The following ASTN2 variants were observed in gnomAD, a reference collection of about 807,000 sequenced individuals.
ASTN2 encodes the protein astrotactin-2.
Under a neutral mutation model 139.8 loss-of-function variants are expected in ASTN2, and 54 were observed. That is an observed-to-expected ratio of 0.39 (90% CI 0.31 to 0.48). ASTN2 has a LOEUF of 0.48. Ranked by LOEUF, ASTN2 falls within the 20% of genes least tolerant of loss-of-function variation. ASTN2 has a pLI of 0.95. For missense variants in ASTN2, 1,565 were observed against 1,725.1 expected, an observed-to-expected ratio of 0.91 and a Z score of 1.64; for synonymous variants, 756 against 719.5, an observed-to-expected ratio of 1.05 and a Z score of -0.81.
chr9:116,638,975 G>C (rs770639137), intron 17 of ASTN2, among the ~76,000 whole-genome samples: 1 of 152,236 alleles, frequency 6.6e-6, no homozygotes, highest in Non-Finnish European at 1.5e-5. Context: ...ATTATCTCAT[G>C]TTTGAGATGT....
chr9:116,798,978 T>C (rs1830771537), intron 13 of ASTN2, among the ~76,000 whole-genome samples: 1 of 150,546 alleles, frequency 6.6e-6, no homozygotes. Context: ...GCCAAGTTGT[T>C]AATGGCTCCT....
At chr9:116,755,713 T>C (rs1829514824) in intron 13 of ASTN2, among the ~76,000 whole-genome samples, 1 of 152,238 alleles carries the variant, frequency 6.6e-6, no homozygotes, top group African/African-American at 2.4e-5. Context: ...AGTCTAACTT[T>C]CCATCTGCAT....
intron 16 of ASTN2, among the ~76,000 whole-genome samples, chr9:116,704,264 G>T (rs1827931572): frequency 6.6e-6 from 1 of 152,156 alleles, no homozygotes; most frequent in African/African-American, 2.4e-5. Flanking sequence ...CAATGGAATT[G>T]TTGAGTTCCC....
At chr9:116,927,977 A>G (rs1053980549) in intron 10 of ASTN2, among the ~76,000 whole-genome samples, 4 of 152,136 alleles carry the variant, frequency 2.6e-5, no homozygotes, top group East Asian at 1.9e-4. Context: ...TTTCATGTGT[A>G]TGCAACAACC....
At chr9:116,754,845 C>A (rs1423729102) in intron 13 of ASTN2, among the ~76,000 whole-genome samples, 2 of 152,324 alleles carry the variant, frequency 1.3e-5, no homozygotes, top group Middle Eastern at 3.4e-3. Context: ...CAAGTGTGAA[C>A]TTTGACACAA....
At chr9:116,879,196 T>C (rs1338725283) in intron 10 of ASTN2, among the ~76,000 whole-genome samples, 2 of 152,070 alleles carry the variant, frequency 1.3e-5, no homozygotes, top group African/African-American at 4.8e-5. Flanking sequence ...AGATTCTACA[T>C]TTCTACAATG....
chr9:116,820,592 C>T lies in ASTN2; in HGVS notation c.2207+25G>A, dbSNP rs542459582. The T allele has an allele frequency of 3.6e-4, 573 of 1,606,078 alleles. 2 individuals are homozygous for T. The African/African-American group carries it at 6.6e-3, about 19-fold the overall frequency. ...TCCCTCACTTCTGTAAATGGGGCAC[C>T]TGGGCCTTGGGGACAGAGACTCACC... On this transcript the variant is annotated intron_variant, in intron 12 of 22. Transcript: ENST00000313400.
chr9:117,277,122 C>T (rs574835249), intron 2 of ASTN2: 5 of 152,210 alleles, frequency 3.3e-5, no homozygotes, highest in South Asian at 4.2e-4. Context: ...CTGTATGCTC[C>T]GTTGAAGAGG....
chr9:116,998,020 G>A (rs1837073947), intron 7 of ASTN2, among the ~76,000 whole-genome samples: 1 of 152,130 alleles, frequency 6.6e-6, no homozygotes, highest in African/African-American at 2.4e-5. Flanking sequence ...CTTGTTTCAT[G>A]GAATGTAAGC....
chr9:117,382,268 T>C (rs1216447558), intron 1 of ASTN2, among the ~76,000 whole-genome samples: 1 of 152,040 alleles, frequency 6.6e-6, no homozygotes, highest in Non-Finnish European at 1.5e-5. Flanking sequence ...GAACAGAGTA[T>C]GACTAGGTGT....
intron 2 of ASTN2, among the ~76,000 whole-genome samples, chr9:117,221,422 T>G (rs1222160535): frequency 6.6e-6 from 1 of 152,194 alleles, no homozygotes; most frequent in Non-Finnish European, 1.5e-5. Flanking sequence ...AGGGATAATA[T>G]GAAAAATGCT....
At chr9:117,332,481 G>A (rs1345365523) in intron 1 of ASTN2, among the ~76,000 whole-genome samples, 3 of 152,112 alleles carry the variant, frequency 2.0e-5, no homozygotes. Context: ...TGTGAGAATC[G>A]CTTGAGCCAG....
chr9:116,786,680 G>A (rs1001427787), intron 13 of ASTN2, among the ~76,000 whole-genome samples: 2 of 152,182 alleles, frequency 1.3e-5, no homozygotes, highest in Admixed American at 6.5e-5. Flanking sequence ...CTTTTATACT[G>A]TTTGTGTTTT....
At chr9:116,790,089 C>G (rs58872771) in intron 13 of ASTN2, among the ~76,000 whole-genome samples, 1 of 151,944 alleles carries the variant, frequency 6.6e-6, no homozygotes, top group Non-Finnish European at 1.5e-5. Flanking sequence ...CCACACCCAG[C>G]TAATTTTTGT....
At chr9:116,801,564 C>T (rs1224295364) in intron 13 of ASTN2, among the ~76,000 whole-genome samples, 2 of 104,298 alleles carry the variant, frequency 1.9e-5, no homozygotes, top group Non-Finnish European at 3.5e-5. Context: ...CCAGCCCAGG[C>T]AACAGTGTGA....
intron 1 of ASTN2, among the ~76,000 whole-genome samples, chr9:117,307,141 T>C (rs761719805): frequency 2.6e-5 from 4 of 152,228 alleles, no homozygotes; most frequent in Non-Finnish European, 5.9e-5. Flanking sequence ...CATTTATATG[T>C]CTGTTCTCTT....
chr9:117,063,312 C>A (rs1839347336), intron 5 of ASTN2, among the ~76,000 whole-genome samples: 1 of 152,192 alleles, frequency 6.6e-6, no homozygotes, highest in Non-Finnish European at 1.5e-5. Flanking sequence ...CCAAATCTCA[C>A]TTGAACTGTA....
chr9:116,812,737 G>A (rs1831199742), intron 12 of ASTN2, among the ~76,000 whole-genome samples: 2 of 152,124 alleles, frequency 1.3e-5, no homozygotes, highest in African/African-American at 4.8e-5. Context: ...CTAGTCAATA[G>A]TGGTGCTGGG....
intron 6 of ASTN2, among the ~76,000 whole-genome samples, chr9:117,027,762 A>G (rs1184980869): frequency 6.6e-6 from 1 of 152,172 alleles, no homozygotes; most frequent in Non-Finnish European, 1.5e-5. Flanking sequence ...TACCTTCCAT[A>G]GTAGCCTTTT....
Sources: gnomAD v4.1 joint callset for allele counts (sites outside exome capture counted in the v4.1 genomes callset) on GRCh38, gnomAD v4.1.1 for gene constraint, MANE v1.5 for transcripts, NCBI Gene and HGNC (gene_info 2026-07-23, HGNC 2026-07-21) for gene names.